The following LMX1A variants were observed in gnomAD, a reference collection of about 807,000 sequenced individuals.
LMX1A encodes LIM homeobox transcription factor 1 alpha.
Under a neutral mutation model 49.1 loss-of-function variants are expected in LMX1A, and 15 were observed. The observed-to-expected ratio is 0.31, with a 90% confidence interval of 0.20 to 0.47. LMX1A has a LOEUF of 0.47. LMX1A is among the 20% of genes least tolerant of loss of function. The pLI is 1.00. For synonymous variants in LMX1A, 167 were observed against 185.7 expected (o/e 0.90, Z 0.82); for missense variants, 372 against 475.8 (o/e 0.78, Z 2.03).
intron 3 of LMX1A, among the ~76,000 whole-genome samples, chr1:165,272,281 C>T (rs1180840025): frequency 6.6e-6 from 1 of 152,186 alleles, no homozygotes; most frequent in African/African-American, 2.4e-5. Flanking sequence ...AACACAAAAA[C>T]AAATTCCACC....
chr1:165,277,584 G>C (rs1434267365), intron 3 of LMX1A, among the ~76,000 whole-genome samples: 1 of 152,188 alleles, frequency 6.6e-6, no homozygotes, highest in Non-Finnish European at 1.5e-5. Flanking sequence ...CAAAGCACCT[G>C]ACTGCCAGGA....
Position 165,249,411 on chromosome 1 carries a change from A to C in LMX1A, c.493T>G (p.Ser165Ala). 1 of 1,612,100 alleles carries C rather than the reference A, an allele frequency of 6.2e-7. No homozygotes were observed. Among genetic ancestry groups the C allele is most frequent in the African/African-American group, 1.3e-5 (1 of 75,006 alleles). The change falls in exon 4 of 9, where the codon TCA (serine) becomes GCA (alanine). Residue 165 changes from serine (S) to alanine (A), a missense_variant. Coordinates refer to ENST00000342310, the MANE Select transcript of LMX1A (RefSeq NM_177398.4). The stretch of plus-strand genomic sequence containing the variant: ...CTGCCCACCACCTGGCACTCACCTG[A>C]GTCTGAGGCTGCTGGGCTCACCAGG... ...LSLVSPAASD[S>A]GKSDDEESLC...
intron 3 of LMX1A, among the ~76,000 whole-genome samples, chr1:165,272,059 T>C (rs908041550): frequency 1.4e-4 from 21 of 152,286 alleles, no homozygotes; most frequent in Admixed American, 3.9e-4. Flanking sequence ...TGCAGGTTTG[T>C]TACATAAGTA....
chr1:165,308,594 A>T (rs1654985829), intron 3 of LMX1A, among the ~76,000 whole-genome samples: 1 of 152,244 alleles, frequency 6.6e-6, no homozygotes, highest in Non-Finnish European at 1.5e-5. Context: ...TGTATCATTT[A>T]GTCCTCACAA....
intron 3 of LMX1A, among the ~76,000 whole-genome samples, chr1:165,257,886 G>C (rs1653303974): frequency 1.3e-5 from 2 of 152,210 alleles, no homozygotes; most frequent in African/African-American, 2.4e-5. Flanking sequence ...CCTGATGCCA[G>C]TTTGAGCCAA....
At chr1:165,225,413 G>A (rs998073220) in intron 4 of LMX1A, among the ~76,000 whole-genome samples, 1 of 152,188 alleles carries the variant, frequency 6.6e-6, no homozygotes, top group African/African-American at 2.4e-5. Flanking sequence ...TTTCCCTTAG[G>A]TGAAATTGAG....
At chr1:165,204,111 C>A in intron 8 of LMX1A, 71 bp from the exon 9 acceptor site, 1 of 1,516,596 alleles carries the variant, frequency 6.6e-7, no homozygotes, top group Non-Finnish European at 9.0e-7. Flanking sequence ...GGATATTCAG[C>A]TGAATTCAAC....
intron 6 of LMX1A, 29 bp from the exon 7 acceptor site, chr1:165,208,161 A>C: frequency 6.2e-7 from 1 of 1,608,544 alleles, no homozygotes; most frequent in Non-Finnish European, 8.5e-7. Context: ...TAGGATTAGA[A>C]GTCAGGTGGC....
At chr1:165,339,511 G>T (rs1184887299) in intron 3 of LMX1A, among the ~76,000 whole-genome samples, 1 of 152,196 alleles carries the variant, frequency 6.6e-6, no homozygotes, top group Non-Finnish European at 1.5e-5. Flanking sequence ...GGTGAGCTTC[G>T]CATTGAGATG....
chr1:165,261,607 T>C (rs1653442371), intron 3 of LMX1A, among the ~76,000 whole-genome samples: 1 of 152,206 alleles, frequency 6.6e-6, no homozygotes, highest in Non-Finnish European at 1.5e-5. Flanking sequence ...AGCAGCATTA[T>C]GCACAGTAGC....
chr1:165,286,689 T>C (rs1357800863), intron 3 of LMX1A, among the ~76,000 whole-genome samples: 1 of 152,136 alleles, frequency 6.6e-6, no homozygotes, highest in Non-Finnish European at 1.5e-5. Context: ...ATTAAGTGAT[T>C]TTACAGATGA....
chr1:165,353,607 C>A (rs1465036177), intron 2 of LMX1A, among the ~76,000 whole-genome samples: 1 of 152,210 alleles, frequency 6.6e-6, no homozygotes, highest in East Asian at 1.9e-4. Flanking sequence ...TTTATTACGT[C>A]GTAATTAATT....
At chr1:165,231,587 C>A (rs971368935) in intron 4 of LMX1A, among the ~76,000 whole-genome samples, 1 of 152,164 alleles carries the variant, frequency 6.6e-6, no homozygotes, top group Non-Finnish European at 1.5e-5. Context: ...ATGTTCACAA[C>A]TTTATGTTCT....
At chr1:165,264,642 G>A (rs541100881) in intron 3 of LMX1A, among the ~76,000 whole-genome samples, 2 of 152,258 alleles carry the variant, frequency 1.3e-5, no homozygotes, top group East Asian at 3.9e-4. Context: ...CTTATAAGGT[G>A]AAACTAAAGG....
At chr1:165,345,648 T>G (rs183437578) in intron 3 of LMX1A, among the ~76,000 whole-genome samples, 240 of 152,340 alleles carry the variant, frequency 1.6e-3, no homozygotes, top group Non-Finnish European at 1.5e-3. Context: ...CGTGAGGTTA[T>G]GCATACCTGA....
At chr1:165,258,079 A>T (rs1653308706) in intron 3 of LMX1A, among the ~76,000 whole-genome samples, 1 of 152,236 alleles carries the variant, frequency 6.6e-6, no homozygotes, top group Admixed American at 6.5e-5. Flanking sequence ...TTAACAAGGC[A>T]GGAATCTGTG....
At chr1:165,250,196 A>G (rs914458700) in intron 3 of LMX1A, among the ~76,000 whole-genome samples, 2 of 152,180 alleles carry the variant, frequency 1.3e-5, no homozygotes, top group Non-Finnish European at 2.9e-5. Context: ...TACCTAGGTA[A>G]CAAACCTGCA....
intron 3 of LMX1A, among the ~76,000 whole-genome samples, chr1:165,325,221 C>A (rs370281607): frequency 6.6e-6 from 1 of 152,260 alleles, no homozygotes; most frequent in South Asian, 2.1e-4. Context: ...CTCTATCTGG[C>A]CTCCCAGACT....
intron 3 of LMX1A, among the ~76,000 whole-genome samples, chr1:165,346,478 T>C (rs146464956): frequency 6.6e-6 from 1 of 152,220 alleles, no homozygotes; most frequent in Non-Finnish European, 1.5e-5. Context: ...CTAGCTAATC[T>C]GTGCATGGCA....
Sources: allele counts gnomAD v4.1 joint callset (sites outside exome capture counted in the v4.1 genomes callset), GRCh38; gene constraint gnomAD v4.1.1; transcripts MANE v1.5; gene names NCBI Gene and HGNC (gene_info 2026-07-23, HGNC 2026-07-21).